ABTB3: variants seen among roughly 807,000 people sequenced by gnomAD.
ABTB3 encodes ankyrin repeat- and BTB/POZ domain-containing protein 3.
the ABTB3 span, among the ~76,000 whole-genome samples, chr12:107,510,078 T>C: frequency 3.9e-5 from 6 of 152,146 alleles, no homozygotes; most frequent in African/African-American, 1.4e-4. Context: ...TCAAGAGCCC[T>C]AGCCACACAG....
the ABTB3 span, chr12:107,543,985 C>G: frequency 2.5e-6 from 4 of 1,613,856 alleles, no homozygotes; most frequent in Non-Finnish European, 3.4e-6. Context: ...CAATGCCAAG[C>G]ACCACGGCAA....
chr12:107,604,401 C>T, the ABTB3 span, among the ~76,000 whole-genome samples: 2 of 151,960 alleles, frequency 1.3e-5, no homozygotes, highest in South Asian at 2.1e-4. Context: ...GAGCTGAGAT[C>T]GCACCACTGC....
the ABTB3 span, among the ~76,000 whole-genome samples, chr12:107,553,960 A>C: frequency 6.6e-6 from 1 of 152,128 alleles, no homozygotes; most frequent in Non-Finnish European, 1.5e-5. Flanking sequence ...GAGAAGAGGA[A>C]TTCAGAAGAC....
At chr12:107,511,359 C>G in the ABTB3 span, among the ~76,000 whole-genome samples, 1 of 152,206 alleles carries the variant, frequency 6.6e-6, no homozygotes, top group East Asian at 1.9e-4. Context: ...AAACATCAAC[C>G]ATTTTCTATT....
chr12:107,537,140 C>T, the ABTB3 span, among the ~76,000 whole-genome samples: 2 of 151,244 alleles, frequency 1.3e-5, no homozygotes, highest in African/African-American at 4.9e-5. Context: ...AGATAAATAC[C>T]ACATGATCTT....
the ABTB3 span, among the ~76,000 whole-genome samples, chr12:107,392,379 G>C: frequency 6.6e-6 from 1 of 152,094 alleles, no homozygotes; most frequent in Non-Finnish European, 1.5e-5. Context: ...TTAGAAGGAA[G>C]TAGCTAGAAC....
At chr12:107,458,386 G>A in the ABTB3 span, among the ~76,000 whole-genome samples, 1 of 152,182 alleles carries the variant, frequency 6.6e-6, no homozygotes, top group African/African-American at 2.4e-5. Flanking sequence ...CAATGCCAAG[G>A]TCCATGCCTC....
chr12:107,363,594 A>G, the ABTB3 span, among the ~76,000 whole-genome samples: 673 of 152,322 alleles, frequency 4.4e-3, 1 homozygote, highest in Non-Finnish European at 7.2e-3. Context: ...GCGGTTTTCC[A>G]TTGTTCTAGG....
chr12:107,561,096 A>G, the ABTB3 span, among the ~76,000 whole-genome samples: 16 of 152,124 alleles, frequency 1.1e-4, no homozygotes, highest in Admixed American at 1.3e-4. Context: ...TTCTCTTCTC[A>G]CTGGTAAATT....
At chr12:107,609,528 G>A in the ABTB3 span, among the ~76,000 whole-genome samples, 3 of 152,068 alleles carry the variant, frequency 2.0e-5, no homozygotes, top group South Asian at 2.1e-4. Flanking sequence ...CGACTGTTTC[G>A]AATGCAGAGA....
the ABTB3 span, among the ~76,000 whole-genome samples, chr12:107,359,933 CCTTA>C: frequency 6.6e-6 from 1 of 152,088 alleles, no homozygotes; most frequent in Non-Finnish European, 1.5e-5. Context: ...TTATCTCTTC[CCTTA>C]CTTTCCTATT....
At chr12:107,461,181 TG>T in the ABTB3 span, among the ~76,000 whole-genome samples, 1 of 152,116 alleles carries the variant, frequency 6.6e-6, no homozygotes, top group Non-Finnish European at 1.5e-5. Context: ...GAGAACAGTA[TG>T]GGCGAACCCA....
the ABTB3 span, among the ~76,000 whole-genome samples, chr12:107,615,804 C>T: frequency 3.9e-5 from 6 of 152,284 alleles, no homozygotes; most frequent in South Asian, 2.1e-4. Flanking sequence ...AACAGCCATA[C>T]GGTACATTCT....
chr12:107,593,253 A>G, the ABTB3 span, among the ~76,000 whole-genome samples: 1 of 152,208 alleles, frequency 6.6e-6, no homozygotes, highest in East Asian at 1.9e-4. Flanking sequence ...TTCCCACTAC[A>G]GTGGCAGAGT....
At chr12:107,415,550 A>G in the ABTB3 span, among the ~76,000 whole-genome samples, 8 of 151,512 alleles carry the variant, frequency 5.3e-5, no homozygotes, top group Non-Finnish European at 1.2e-4. Context: ...CTACTAAAAA[A>G]CCAAAAAATT....
chr12:107,391,081 A>G, the ABTB3 span, among the ~76,000 whole-genome samples: 2 of 152,088 alleles, frequency 1.3e-5, no homozygotes, highest in Admixed American at 6.5e-5. Context: ...AACCTGGGAG[A>G]TGGAGGTTGC....
the ABTB3 span, chr12:107,581,312 C>CA: frequency 7.6e-7 from 1 of 1,318,874 alleles, no homozygotes; most frequent in Non-Finnish European, 9.6e-7. Context: ...CAGGTAGGCG[C>CA]GGGGGCGGGC....
the ABTB3 span, among the ~76,000 whole-genome samples, chr12:107,482,892 TTC>T: frequency 0.037 from 5,233 of 141,732 alleles, 239 homozygotes; most frequent in East Asian, 0.14. Context: ...TCTTCTCTCG[TTC>T]TCTCTCTCTC....
chr12:107,505,556 C>T, the ABTB3 span, among the ~76,000 whole-genome samples: 4 of 151,954 alleles, frequency 2.6e-5, no homozygotes, highest in Non-Finnish European at 5.9e-5. Flanking sequence ...AAAACTGGAT[C>T]CCTACCTCAT....
Sources: allele counts gnomAD v4.1 joint callset (sites outside exome capture counted in the v4.1 genomes callset), GRCh38; gene constraint gnomAD v4.1.1; transcripts MANE v1.5; gene names NCBI Gene and HGNC (gene_info 2026-07-23, HGNC 2026-07-21).